The following GALNT13 variants were observed in gnomAD, a reference collection of about 807,000 sequenced individuals.
GALNT13 encodes UDP-GalNAc:polypeptide N-acetylgalactosaminyltransferase 13.
Under a neutral mutation model 64.2 loss-of-function variants are expected in GALNT13, and 28 were observed. The ratio of observed to expected loss-of-function variants is 0.44; its 90% CI spans 0.32 to 0.60. The LOEUF (loss-of-function observed/expected upper bound fraction) is 0.60, where lower values mean the gene tolerates loss of function less well. GALNT13 is among the 20% of genes least tolerant of loss of function. GALNT13 has a pLI of 0.05. For synonymous variants in GALNT13, 214 were observed against 224.6 expected (o/e 0.95, Z 0.42); for missense variants, 577 against 669.8 (o/e 0.86, Z 1.53).
chr2:153,499,617 A>G, the GALNT13 span, among the ~76,000 whole-genome samples: 10,863 of 152,152 alleles, frequency 0.071, 533 homozygotes, highest in Non-Finnish European at 0.1. Context: ...AAGCCACCCT[A>G]CACTTCACCT....
intron 4 of GALNT13, among the ~76,000 whole-genome samples, chr2:154,238,833 T>G (rs1213019539): frequency 6.6e-6 from 1 of 152,040 alleles, no homozygotes; most frequent in Non-Finnish European, 1.5e-5. Flanking sequence ...TTATGATTTT[T>G]TTGATGTGGT....
At chr2:153,207,688 G>T in the GALNT13 span, among the ~76,000 whole-genome samples, 1 of 152,070 alleles carries the variant, frequency 6.6e-6, no homozygotes, top group Admixed American at 6.5e-5. Context: ...TCCCTCCGTG[G>T]TGACCAGTTA....
intron 3 of GALNT13, among the ~76,000 whole-genome samples, chr2:154,008,332 T>G (rs1429638201): frequency 6.6e-6 from 1 of 152,220 alleles, no homozygotes; most frequent in Non-Finnish European, 1.5e-5. Flanking sequence ...TCCATTATCT[T>G]GGAATATAAT....
At chr2:154,274,735 G>A (rs1691545207) in intron 8 of GALNT13, among the ~76,000 whole-genome samples, 1 of 152,054 alleles carries the variant, frequency 6.6e-6, no homozygotes, top group Admixed American at 6.6e-5. Flanking sequence ...AGCAGCATGA[G>A]AATGGACTAA....
chr2:153,517,092 G>T, the GALNT13 span, among the ~76,000 whole-genome samples: 2 of 152,170 alleles, frequency 1.3e-5, no homozygotes, highest in African/African-American at 4.8e-5. Flanking sequence ...AAGAAAATCT[G>T]TGGGGTTTGC....
At chr2:153,859,191 A>C in the GALNT13 span, among the ~76,000 whole-genome samples, 1 of 152,196 alleles carries the variant, frequency 6.6e-6, no homozygotes, top group Non-Finnish European at 1.5e-5. Flanking sequence ...CTTCTTTTGC[A>C]TTTGGCAAAG....
chr2:153,887,452 G>C (rs1687258688), intron 1 of GALNT13, among the ~76,000 whole-genome samples: 1 of 151,416 alleles, frequency 6.6e-6, no homozygotes, highest in South Asian at 2.1e-4. Flanking sequence ...ATAAATAGGA[G>C]TTAAAGATGG....
chr2:153,857,474 C>G, the GALNT13 span, among the ~76,000 whole-genome samples: 4 of 152,014 alleles, frequency 2.6e-5, no homozygotes, highest in Admixed American at 2.0e-4. Context: ...GAAAATGGGG[C>G]AGGAGAACCA....
At chr2:153,536,413 A>AT in the GALNT13 span, among the ~76,000 whole-genome samples, 1 of 150,452 alleles carries the variant, frequency 6.6e-6, no homozygotes, top group Non-Finnish European at 1.5e-5. Context: ...GAGGGCATTC[A>AT]TTTTCCCTAT....
Position 154,259,031 on chromosome 2 carries a change from A to G in GALNT13, c.868A>G (p.Met290Val), listed in dbSNP as rs1690544071. ...DRTLPVRTPT[M>V]AGGLFSIDRN... ...TTTTTTTTCAACTAGGACCCCTACTATGGCTGGTGGCCTATTTTCTATTGA... is the reference window on the plus strand; with the variant it reads ...TTTTTTTTCAACTAGGACCCCTACTGTGGCTGGTGGCCTATTTTCTATTGA... The change falls in exon 8 of 13, where the codon ATG (methionine) becomes GTG (valine). Residue 290 changes from methionine to valine, a missense_variant. Around this residue, in one of 3 missense-constraint regions of GALNT13, gnomAD observed 341 missense variants for 379.3 expected, o/e 0.90. Transcript: ENST00000392825. 2 of 1,589,000 alleles carry G rather than the reference A, an allele frequency of 1.3e-6. No homozygotes were observed. Among genetic ancestry groups the G allele is most frequent in the Non-Finnish European group, 1.7e-6 (2 of 1,158,774 alleles).
At chr2:153,882,201 G>A (rs1473771899) in intron 1 of GALNT13, among the ~76,000 whole-genome samples, 1 of 151,680 alleles carries the variant, frequency 6.6e-6, no homozygotes, top group Admixed American at 6.6e-5. Flanking sequence ...GCAGGGGGAG[G>A]TGGGTTGGTG....
At chr2:154,414,002 A>G (rs1699900495) in intron 11 of GALNT13, among the ~76,000 whole-genome samples, 1 of 152,038 alleles carries the variant, frequency 6.6e-6, no homozygotes, top group Non-Finnish European at 1.5e-5. Context: ...TTTAATGGAT[A>G]AGCTATAATT....
chr2:154,361,168 A>G (rs1296706733), intron 9 of GALNT13, among the ~76,000 whole-genome samples: 1 of 152,048 alleles, frequency 6.6e-6, no homozygotes, highest in Non-Finnish European at 1.5e-5. Flanking sequence ...GTTTATAAAG[A>G]TTTTATTGAG....
the GALNT13 span, among the ~76,000 whole-genome samples, chr2:153,771,043 A>C: frequency 6.6e-6 from 1 of 152,182 alleles, no homozygotes; most frequent in African/African-American, 2.4e-5. Flanking sequence ...AGCGGAAAGA[A>C]CACCACTGCA....
intron 1 of GALNT13, among the ~76,000 whole-genome samples, chr2:153,879,280 G>A (rs1686604791): frequency 6.6e-6 from 1 of 152,120 alleles, no homozygotes; most frequent in Non-Finnish European, 1.5e-5. Flanking sequence ...GAAAGGTTAA[G>A]TAAGTTGGCC....
intron 3 of GALNT13, among the ~76,000 whole-genome samples, chr2:154,012,753 G>T (rs1303555468): frequency 6.6e-6 from 1 of 151,886 alleles, no homozygotes; most frequent in Non-Finnish European, 1.5e-5. Context: ...CTGAGGTTTT[G>T]TTCATTCTTT....
At chr2:153,210,890 T>G in the GALNT13 span, among the ~76,000 whole-genome samples, 4 of 152,136 alleles carry the variant, frequency 2.6e-5, no homozygotes, top group Non-Finnish European at 5.9e-5. Context: ...CCTCAGTAGA[T>G]GCTTGGGAAG....
chr2:153,537,708 G>A, the GALNT13 span, among the ~76,000 whole-genome samples: 29 of 152,184 alleles, frequency 1.9e-4, no homozygotes, highest in East Asian at 5.8e-4. Flanking sequence ...TTGTGATAGC[G>A]AGTGGATTCT....
chr2:153,345,639 CTTTCTTT>C, the GALNT13 span, among the ~76,000 whole-genome samples: 1 of 69,688 alleles, frequency 1.4e-5, no homozygotes, highest in African/African-American at 6.4e-5. Flanking sequence ...CTTTCTTTTT[CTTTCTTT>C]CTTTCTTTCT....
Sources: allele counts gnomAD v4.1 joint callset (sites outside exome capture counted in the v4.1 genomes callset), GRCh38; gene constraint gnomAD v4.1.1; regional missense constraint gnomAD v4.1.1; transcripts MANE v1.5; gene names NCBI Gene and HGNC (gene_info 2026-07-23, HGNC 2026-07-21).